Variants in FGF22 observed in about 807,000 individuals in gnomAD.
FGF22 encodes fibroblast growth factor 22, also known as FGF-22.
In FGF22, 11 loss-of-function variants were observed where a neutral mutation model predicts 10.3. That is an observed-to-expected ratio of 1.07 (90% confidence interval 0.67 to 1.77). The LOEUF (loss-of-function observed/expected upper bound fraction) is 1.77. Ranked by LOEUF, FGF22 falls within the 40% of genes most tolerant of loss-of-function variation. The probability of loss-of-function intolerance (pLI) is 0.00; values close to 1 mark genes in which losing one functional copy is unlikely to be tolerated. For synonymous variants in FGF22, 136 were observed against 122.1 expected (o/e 1.11, Z -0.75); for missense variants, 317 against 273.2 (o/e 1.16, Z -1.13).
chr19:640,368 C>T (rs1985861940), intron 1 of FGF22: 1 of 365,314 alleles, frequency 2.7e-6, no homozygotes, highest in African/African-American at 2.1e-5. Context: ...AGAGAAGCGT[C>T]CGTGTGGTAC....
chr19:641,598 A>G, intron 1 of FGF22: 1 of 253,004 alleles, frequency 4.0e-6, no homozygotes, highest in Non-Finnish European at 8.0e-6. Flanking sequence ...AAAAAAGAAC[A>G]GTGAATGACG....
chr19:643,750 G>A (rs1985995142), exon 3 of FGF22: 2 of 707,932 alleles, frequency 2.8e-6, no homozygotes, highest in Admixed American at 3.0e-5. Flanking sequence ...GCCCTCCAGG[G>A]GGGTCCCAGC....
In FGF22 at chr19:643,574, C is replaced by T. The variant is rs749944662; in HGVS notation, c.483C>T (p.Ser161=). ...GCCGGACGCGGCGGTACCACCTGTC[C>T]GCCCACTTCCTGCCCGTCCTGGTCT... The change falls in exon 3 of 3, where the codon TCC becomes TCT. Residue 161 remains serine (S), a synonymous_variant. Transcript: ENST00000215530. 118 of 1,565,126 alleles carry T rather than the reference C, an allele frequency of 7.5e-5. No individual in the cohort carries two copies. The Middle Eastern group carries it at 1.7e-3, about 23-fold the overall frequency.
Position 642,947 on chromosome 19 carries a change from C to T in FGF22, c.215-288C>T, listed in dbSNP as rs958075297. Among the ~76,000 whole-genome samples, 4 of 152,136 alleles carry T rather than the reference C, an allele frequency of 2.6e-5. No homozygotes were observed. The South Asian group carries it at 8.3e-4, about 32-fold the overall frequency. On this transcript the variant is annotated intron_variant, in intron 1 of 2. Coordinates refer to ENST00000215530, the Ensembl canonical transcript of FGF22. The stretch of plus-strand genomic sequence containing the variant: ...GCAGGGACAGCGCTGACCTGGCCCT[C>T]CCACGGGGTCCTCATCGATCTCTGC...
exon 1 of FGF22, chr19:639,918 G>C (rs887156419): frequency 8.2e-7 from 1 of 1,218,144 alleles, no homozygotes; most frequent in Middle Eastern, 3.2e-4. Flanking sequence ...CGAACCGGGT[G>C]CCGGGTCATG....
In FGF22 at chr19:641,502, G is replaced by A. The variant is rs555622340; in HGVS notation, c.214+1363G>A. On this transcript the variant is annotated intron_variant, in intron 1 of 2. Transcript: ENST00000215530. Reference sequence around the variant, plus strand: ...AGGCAGGAGAATGACGTGAAGCCGGGAGGTGGAGCTTGCAGTGAGCTGAGA... The same window carrying A: ...AGGCAGGAGAATGACGTGAAGCCGGAAGGTGGAGCTTGCAGTGAGCTGAGA... 159 of 321,206 alleles carry A rather than the reference G, an allele frequency of 5.0e-4. 3 individuals are homozygous for A. The highest frequency in any genetic ancestry group is 3.8e-3 in the South Asian group (157 of 40,946). The allele number at this position is 321,206 out of a possible 1,614,324, so 19.9% of individuals were successfully genotyped here. A position where few individuals can be genotyped will look rare whatever the true frequency, so the allele number is the denominator to read the frequency against.
At chr19:641,222 C>G (rs932297084) in intron 1 of FGF22, 2 of 456,376 alleles carry the variant, frequency 4.4e-6, no homozygotes, top group Non-Finnish European at 8.8e-6. Context: ...TCCTGGGGCT[C>G]CCAGAGCAGA....
exon 3 of FGF22, chr19:644,153 CAGAG>C (rs1193745801): frequency 6.2e-6 from 1 of 160,932 alleles, no homozygotes; most frequent in Non-Finnish European, 1.4e-5. Flanking sequence ...CAGTGAGAGC[CAGAG>C]AGAGATGGGG....
intron 1 of FGF22, chr19:640,966 G>A (rs1037240867): frequency 1.1e-4 from 40 of 352,094 alleles, no homozygotes; most frequent in African/African-American, 5.6e-4. Flanking sequence ...TGGCTGGGCC[G>A]GTCCATCCAT....
At chr19:642,157 A>T (rs1396706947) in intron 1 of FGF22, among the ~76,000 whole-genome samples, 1 of 152,176 alleles carries the variant, frequency 6.6e-6, no homozygotes, top group Non-Finnish European at 1.5e-5. Context: ...CCTCCAGTCC[A>T]GAGTCCCAGT....
intron 1 of FGF22, chr19:641,204 G>A (rs772402924): frequency 1.8e-5 from 8 of 456,406 alleles, no homozygotes; most frequent in Non-Finnish European, 3.1e-5. Context: ...TGACAGAGAC[G>A]CCCACCCTCC....
chr19:641,286 T>C (rs1225455251), intron 1 of FGF22: 1 of 454,988 alleles, frequency 2.2e-6, no homozygotes, highest in African/African-American at 2.0e-5. Context: ...CACAGAACAG[T>C]GAACGGTTGG....
chr19:640,102 C>A, exon 1 of FGF22: 1 of 1,394,726 alleles, frequency 7.2e-7, no homozygotes, highest in South Asian at 1.5e-5. Flanking sequence ...ATCCCGGCGG[C>A]CGCGTGCAGG....
rs369365959 is a variant in FGF22 at position 643,223 on chromosome 19, C to G, written c.215-12C>G. 1 of 1,543,560 alleles carries G rather than the reference C, an allele frequency of 6.5e-7. No individual in the cohort carries two copies. The highest frequency in any genetic ancestry group is 8.7e-7 in the Non-Finnish European group (1 of 1,144,004). ...AGCCAGCAAGGCCCTCCCCGACCCC[C>G]GCCTCCCCCAGGCATCCTGGAGATC... On this transcript the variant is annotated splice_polypyrimidine_tract_variant and intron_variant, in intron 1 of 2. Transcript: ENST00000215530.
At chr19:643,610 TGA>T (rs1182641201) in exon 3 of FGF22, 1 of 1,512,372 alleles carries the variant, frequency 6.6e-7, no homozygotes, top group East Asian at 2.5e-5. Flanking sequence ...CCTGAGGCCC[TGA>T]GAGGCCGGCG....
At chr19:643,474 C>T (rs1186900086) in exon 3 of FGF22, 1 of 1,611,412 alleles carries the variant, frequency 6.2e-7, no homozygotes, top group Non-Finnish European at 8.5e-7. Flanking sequence ...AACACCTACG[C>T]CTCACAGCGC....
At chr19:643,621 C>G (rs376843307) in exon 3 of FGF22, 1 of 1,496,816 alleles carries the variant, frequency 6.7e-7, no homozygotes, top group Non-Finnish European at 8.9e-7. Flanking sequence ...GAGAGGCCGG[C>G]GGCTCCCCAA....
At position 643,401 on chromosome 19, in the gene FGF22, C is replaced by A. The variant is rs781217099; in HGVS notation, c.319-9C>A. The A allele has an allele frequency of 6.2e-7, 1 of 1,608,902 alleles. No homozygotes were observed. Among genetic ancestry groups the A allele is most frequent in the Non-Finnish European group, 8.5e-7 (1 of 1,178,074 alleles). ...GGGGAGGGTGGGCCGGCCTCACCCC[C>A]GCCCGCAGCGACTCTACACCGTGGA... On this transcript the variant is annotated splice_polypyrimidine_tract_variant and intron_variant, in intron 2 of 2. Coordinates refer to ENST00000215530, the Ensembl canonical transcript of FGF22.
rs752552471 is a variant in FGF22, at chr19:643,529, G to T, written c.438G>T (p.Arg146Ser). Residue 146 changes from arginine (R) to serine (S), a missense_variant, in exon 3 of 3, where the codon AGG becomes AGT. Physicochemically the swap from Arg to Ser is moderately radical, Grantham distance 110. Coordinates refer to ENST00000215530, the Ensembl canonical transcript of FGF22. ...CCATGTTCCTGGCGCTGGACAGGAGGGGGGGGCCCCGGCCAGGCGGCCGGA... is the reference window on the plus strand; with the variant it reads ...CCATGTTCCTGGCGCTGGACAGGAGTGGGGGGCCCCGGCCAGGCGGCCGGA... 67 of 1,605,082 alleles carry T rather than the reference G, an allele frequency of 4.2e-5. No individual in the cohort carries two copies. Among genetic ancestry groups the T allele is most frequent in the South Asian group, 5.5e-5 (5 of 90,700 alleles).
Sources: gnomAD v4.1 joint callset for allele counts (sites outside exome capture counted in the v4.1 genomes callset) on GRCh38, gnomAD v4.1.1 for gene constraint, MANE v1.5 for transcripts, NCBI Gene and HGNC (gene_info 2026-07-23, HGNC 2026-07-21) for gene names.